Variants in PLCE1 observed in about 807,000 individuals in gnomAD.
PLCE1 encodes the protein phospholipase C epsilon 1.
PLCE1 carries 119 observed loss-of-function variants against 242.8 expected under a neutral mutation model. The observed-to-expected ratio is 0.49, with a 90% CI of 0.42 to 0.57. The LOEUF is 0.57. Among genes scored for constraint, PLCE1 ranks in the 20% least tolerant of loss-of-function variants. The pLI, the probability that PLCE1 is intolerant of heterozygous loss-of-function variation, is 0.00. For synonymous variants in PLCE1, 945 were observed against 1,017.4 expected, an observed-to-expected ratio of 0.93 and a Z score of 1.35; for missense variants, 2,441 against 2,788.8, an observed-to-expected ratio of 0.88 and a Z score of 2.81.
At chr10:94,291,596 C>T (rs928376965) in intron 22 of PLCE1, among the ~76,000 whole-genome samples, 2 of 152,182 alleles carry the variant, frequency 1.3e-5, no homozygotes, top group East Asian at 3.9e-4. Context: ...AGGGGTGTAA[C>T]AGTCCTAACT....
intron 2 of PLCE1, among the ~76,000 whole-genome samples, chr10:94,064,855 C>A (rs17109735): frequency 1.3e-5 from 2 of 151,952 alleles, no homozygotes; most frequent in African/African-American, 4.8e-5. Context: ...TCAGCTGTGT[C>A]CCACCTTTTC....
In PLCE1 at chr10:94,088,737, ATGT is replaced by A. The variant is rs1163495879; in HGVS notation, c.1207-43436_1207-43434del. On this transcript the variant is annotated intron_variant, in intron 2 of 32. Coordinates refer to ENST00000371380, the MANE Select transcript of PLCE1 (RefSeq NM_016341.4). ...TCCCTTGATACTGGGTTCTTTGCACATGTATACACTTTGGGTTCTATTTGCTAC... is the reference window on the plus strand; with the variant it reads ...TCCCTTGATACTGGGTTCTTTGCACAATACACTTTGGGTTCTATTTGCTAC... Among the ~76,000 whole-genome samples the A allele has an allele frequency of 2.9e-4, 44 of 152,246 alleles. No individual in the cohort carries two copies. The East Asian group carries it at 6.4e-3, about 22-fold the overall frequency.
chr10:94,057,238 TA>T (rs1379310765), intron 2 of PLCE1, among the ~76,000 whole-genome samples: 1 of 152,156 alleles, frequency 6.6e-6, no homozygotes, highest in Admixed American at 6.5e-5. Context: ...CAACAATTTT[TA>T]AAAAATGGCT....
At chr10:94,230,074 G>A (rs1021289598) in intron 5 of PLCE1, among the ~76,000 whole-genome samples, 4 of 152,122 alleles carry the variant, frequency 2.6e-5, no homozygotes, top group African/African-American at 9.7e-5. Context: ...TAAATGGGAA[G>A]AGAAAGCATA....
chr10:94,080,311 A>G, intron 2 of PLCE1, among the ~76,000 whole-genome samples: 1 of 152,084 alleles, frequency 6.6e-6, no homozygotes, highest in East Asian at 1.9e-4. Flanking sequence ...ACACTCTCCT[A>G]GCTACCAGCC....
chr10:94,279,177 A>G (rs2052092558), intron 19 of PLCE1: 1 of 157,636 alleles, frequency 6.3e-6, no homozygotes, highest in South Asian at 1.9e-4. Context: ...ACTTCACAGT[A>G]ATTCCAGTAA....
intron 3 of PLCE1, among the ~76,000 whole-genome samples, chr10:94,144,706 A>G (rs903783163): frequency 4.6e-5 from 7 of 152,054 alleles, no homozygotes; most frequent in African/African-American, 1.2e-4. Flanking sequence ...AGAAGCAATC[A>G]TATGTGCAAA....
intron 4 of PLCE1, among the ~76,000 whole-genome samples, chr10:94,213,219 T>G (rs532269891): frequency 1.3e-5 from 2 of 152,292 alleles, no homozygotes; most frequent in African/African-American, 2.4e-5. Flanking sequence ...ACCCTAGAAT[T>G]TTTGCCTTTC....
intron 2 of PLCE1, among the ~76,000 whole-genome samples, chr10:94,041,345 A>T (rs1226684631): frequency 2.6e-5 from 4 of 152,064 alleles, no homozygotes. Flanking sequence ...GCTTGGAACC[A>T]GTTCTTTTGT....
chr10:94,227,593 T>A (rs547808476), intron 5 of PLCE1, 142 bp downstream of exon 5: 3 of 867,304 alleles, frequency 3.5e-6, no homozygotes, highest in East Asian at 4.8e-5. Context: ...TTATCTTCTT[T>A]CAGCACCAAA....
intron 3 of PLCE1, among the ~76,000 whole-genome samples, chr10:94,158,695 C>T (rs1223442717): frequency 1.3e-5 from 2 of 151,746 alleles, no homozygotes; most frequent in African/African-American, 4.8e-5. Context: ...GAAAAGTGCA[C>T]TATAGAGTTT....
chr10:94,146,381 A>C (rs2047111471), intron 3 of PLCE1, among the ~76,000 whole-genome samples: 1 of 152,208 alleles, frequency 6.6e-6, no homozygotes, highest in Admixed American at 6.5e-5. Flanking sequence ...AGGAATTTTT[A>C]CTATGACACA....
intron 1 of PLCE1, among the ~76,000 whole-genome samples, chr10:94,020,517 G>A (rs1406695447): frequency 6.6e-6 from 1 of 151,992 alleles, no homozygotes; most frequent in African/African-American, 2.4e-5. Flanking sequence ...TCTGTGGTTT[G>A]TATTTAGCCT....
At position 94,031,037 on chromosome 10, in the gene PLCE1, T is replaced by G. The variant is rs368945558; in HGVS notation, c.-10T>G. 68 of 1,613,482 alleles carry G rather than the reference T, an allele frequency of 4.2e-5. 1 individual carries two copies. In the African/African-American group the frequency reaches 8.5e-4, roughly 20 times the overall value. On this transcript the variant is annotated 5_prime_UTR_variant, in exon 2 of 33. Coordinates refer to ENST00000371380, the MANE Select transcript of PLCE1 (RefSeq NM_016341.4). ...TAGAGCAATAGTCAAAACCTGTGTGTTAGTCCAAGATGACTTCTGAAGAAA... is the reference window on the plus strand; with the variant it reads ...TAGAGCAATAGTCAAAACCTGTGTGGTAGTCCAAGATGACTTCTGAAGAAA...
chr10:94,046,236 T>G (rs1470594011), intron 2 of PLCE1, among the ~76,000 whole-genome samples: 1 of 152,198 alleles, frequency 6.6e-6, no homozygotes, highest in Non-Finnish European at 1.5e-5. Flanking sequence ...GGTTAATGAG[T>G]GTGAGTGCTT....
intron 2 of PLCE1, among the ~76,000 whole-genome samples, chr10:94,045,512 C>T (rs74408407): frequency 0.049 from 7,389 of 152,266 alleles, 479 homozygotes; most frequent in African/African-American, 0.14. Context: ...GGTGAAGTTA[C>T]TTGAACAGGT....
chr10:94,165,705 C>T lies in PLCE1; in HGVS notation c.1493-5475C>T, dbSNP rs532987051. 5.3e-5 allele frequency among the ~76,000 whole-genome samples: 8 copies of T among 151,656 alleles called. No homozygotes were observed. In the South Asian group the frequency reaches 6.2e-4, roughly 12 times the overall value. ...TTGTTGCCTTGAATTTTTTGGATATCGTTTTGATCTTTTTTTTTTTGAGAC... is the reference window on the plus strand; with the variant it reads ...TTGTTGCCTTGAATTTTTTGGATATTGTTTTGATCTTTTTTTTTTTGAGAC... On this transcript the variant is annotated intron_variant, in intron 3 of 32. Transcript: ENST00000371380.
intron 4 of PLCE1, among the ~76,000 whole-genome samples, chr10:94,177,170 T>A (rs2048153194): frequency 6.6e-6 from 1 of 152,162 alleles, no homozygotes; most frequent in Non-Finnish European, 1.5e-5. Context: ...TTGCATAATG[T>A]TTATTCTTAG....
In PLCE1 at chr10:94,258,829, G is replaced by A. The variant is rs763280408; in HGVS notation, c.3584G>A (p.Arg1195Gln). ...TGGAGCAGTAGTAGCTGGCACGGGC[G>A]GATCAAAGGCGGCATGAAGGGATTT... ...SAWSSSSWHG[R>Q]IKGGMKGFQS... Residue 1195 changes from arginine (R) to glutamine (Q), a missense_variant, in exon 12 of 33, where the codon CGG (arginine) becomes CAG (glutamine). This residue lies in a region of PLCE1 where 1,004 missense variants were observed against 1,322.7 expected (regional missense o/e 0.76). Transcript: ENST00000371380. 1.9e-5 allele frequency: 31 copies of A among 1,613,950 alleles called. No homozygotes were observed. The highest frequency in any genetic ancestry group is 6.7e-5 in the Admixed American group (4 of 59,998).
Sources: allele counts gnomAD v4.1 joint callset (sites outside exome capture counted in the v4.1 genomes callset), GRCh38; gene constraint gnomAD v4.1.1; regional missense constraint gnomAD v4.1.1; transcripts MANE v1.5; gene names NCBI Gene and HGNC (gene_info 2026-07-23, HGNC 2026-07-21).